NCAPH: variants seen among roughly 807,000 people sequenced by gnomAD.
NCAPH encodes the protein condensin complex subunit 2.
In NCAPH, 38 loss-of-function variants were observed where a neutral mutation model predicts 85.5. That is an observed-to-expected ratio of 0.44 (90% CI 0.34 to 0.58). NCAPH has a LOEUF of 0.58. NCAPH is among the 20% of genes least tolerant of loss of function. The probability of loss-of-function intolerance (pLI) is 0.01; values close to 1 mark genes in which losing one functional copy is unlikely to be tolerated. For synonymous variants in NCAPH, 301 were observed against 335.1 expected (o/e 0.90, Z 1.11); for missense variants, 789 against 916.6 (o/e 0.86, Z 1.80).
At chr2:96,354,029 G>C (rs1415441342) in intron 8 of NCAPH, among the ~76,000 whole-genome samples, 154 bp from the exon 9 acceptor site, 1 of 152,116 alleles carries the variant, frequency 6.6e-6, no homozygotes, top group South Asian at 2.1e-4. Flanking sequence ...TGAGAGTCTT[G>C]GCCCAGGCAG....
At chr2:96,373,177 T>C in intron 17 of NCAPH, 115 bp from the exon 18 acceptor site, 5 of 817,424 alleles carry the variant, frequency 6.1e-6, no homozygotes, top group East Asian at 2.6e-5. Flanking sequence ...GTTTTTCTTA[T>C]AATCATGGGA....
At position 96,371,491 on chromosome 2, in the gene NCAPH, T is replaced by C. The variant is rs548862369; in HGVS notation, c.2167-1801T>C. ...GCCAGGCCAACACTGCTAAGAAATATTAGTGACTCTGCGGCTTCACTGAGG... is the reference window on the plus strand; with the variant it reads ...GCCAGGCCAACACTGCTAAGAAATACTAGTGACTCTGCGGCTTCACTGAGG... On this transcript the variant is annotated intron_variant, in intron 17 of 17. Coordinates refer to ENST00000240423, the MANE Select transcript of NCAPH (RefSeq NM_015341.5). 2.6e-5 allele frequency among the ~76,000 whole-genome samples: 4 copies of C among 152,290 alleles called. No homozygotes were observed. In the South Asian group the frequency reaches 8.3e-4, roughly 32 times the overall value.
intron 5 of NCAPH, among the ~76,000 whole-genome samples, chr2:96,343,806 T>A (rs1427740604): frequency 1.3e-5 from 2 of 151,940 alleles, no homozygotes; most frequent in African/African-American, 4.8e-5. Context: ...GTTCAAGTGA[T>A]CCTCCTGCCT....
At chr2:96,342,182 A>G (rs767654533) in intron 3 of NCAPH, 42 bp downstream of exon 3, 8 of 1,447,802 alleles carry the variant, frequency 5.5e-6, no homozygotes, top group Non-Finnish European at 6.8e-6. Context: ...TAATCCCTTG[A>G]TCACAGGGGA....
intron 6 of NCAPH, among the ~76,000 whole-genome samples, chr2:96,349,792 G>A (rs1313819873): frequency 6.6e-6 from 1 of 152,340 alleles, no homozygotes; most frequent in East Asian, 1.9e-4. Flanking sequence ...AACATTTGCT[G>A]TCATAGAGGA....
At chr2:96,360,489 C>T (rs2064590612) in intron 11 of NCAPH, 99 bp from the exon 12 acceptor site, 6 of 1,372,452 alleles carry the variant, frequency 4.4e-6, no homozygotes, top group African/African-American at 1.5e-5. Flanking sequence ...TGATGGTAGA[C>T]TCATGCTGCC....
At chr2:96,360,863 G>A (rs2064597617) in intron 12 of NCAPH, among the ~76,000 whole-genome samples, 153 bp downstream of exon 12, 1 of 152,088 alleles carries the variant, frequency 6.6e-6, no homozygotes, top group South Asian at 2.1e-4. Context: ...ATAAGGCAAA[G>A]AAAGCTAAAA....
chr2:96,336,057 C>T (rs1029496257), intron 1 of NCAPH, among the ~76,000 whole-genome samples: 1 of 152,032 alleles, frequency 6.6e-6, no homozygotes, highest in African/African-American at 2.4e-5. Flanking sequence ...AATCAGAAAG[C>T]GGCTTCGGCC....
At position 96,353,361 on chromosome 2, in the gene NCAPH, C is replaced by A; in HGVS notation, c.966C>A (p.Phe322Leu). 6.2e-7 allele frequency: 1 copy of A among 1,614,220 alleles called. No homozygotes were observed. The highest frequency in any genetic ancestry group is 8.5e-7 in the Non-Finnish European group (1 of 1,180,036). ...DRQICPSLAG[F>L]QFTQWDSETH... The stretch of plus-strand genomic sequence containing the variant: ...AGATCTGCCCTTCCCTGGCCGGGTT[C>A]CAGTTTACACAGTGGGACAGTGAAA... Residue 322 changes from phenylalanine (F) to leucine (L), a missense_variant, in exon 8 of 18, where the codon TTC (phenylalanine) becomes TTA (leucine). Transcript: ENST00000240423.
In NCAPH at chr2:96,376,812, T is replaced by C. The variant is rs1244015696; in HGVS notation, c.*3461T>C. ...ATTTAAAAATGTTTTTTGGGGGAAT[T>C]GGGGATCATTTATGGGTACCAAAAG... On this transcript the variant is annotated 3_prime_UTR_variant, in exon 18 of 18. Coordinates refer to ENST00000240423, the MANE Select transcript of NCAPH (RefSeq NM_015341.5). Among the ~76,000 whole-genome samples the C allele has an allele frequency of 6.6e-6, 1 of 151,982 alleles. No homozygotes were observed. The highest frequency in any genetic ancestry group is 2.4e-5 in the African/African-American group (1 of 41,360).
rs959740195 is a variant in NCAPH, at chr2:96,351,817, C to T, written c.721-14C>T. On this transcript the variant is annotated splice_polypyrimidine_tract_variant and intron_variant, in intron 6 of 17. Transcript: ENST00000240423. ...ATGCCGTAAATCTTCAGTTTCTTCT[C>T]TCTCTGTGTTCAGATTGATCCCATG... is the stretch of plus-strand genomic sequence containing the variant. 1.3e-6 allele frequency: 2 copies of T among 1,568,678 alleles called. No homozygotes were observed. The highest frequency in any genetic ancestry group is 2.0e-5 in the Admixed American group (1 of 50,304).
At chr2:96,369,823 T>G (rs2064749226) in intron 17 of NCAPH, among the ~76,000 whole-genome samples, 1 of 152,192 alleles carries the variant, frequency 6.6e-6, no homozygotes, top group Admixed American at 6.5e-5. Flanking sequence ...GGCCAAAGCC[T>G]AGTAGTACCA....
chr2:96,374,340 C>T lies in NCAPH; in HGVS notation c.*989C>T, dbSNP rs2064809898. 6.6e-6 allele frequency among the ~76,000 whole-genome samples: 1 copy of T among 152,184 alleles called. No homozygotes were observed. Among genetic ancestry groups the T allele is most frequent in the South Asian group, 2.1e-4 (1 of 4,828 alleles). Reference sequence around the variant, plus strand: ...CAGTGCTCAGATTTGTCCATCTCCACAGAATGCAGCACACACACAAATGTA... The same window carrying T: ...CAGTGCTCAGATTTGTCCATCTCCATAGAATGCAGCACACACACAAATGTA... On this transcript the variant is annotated 3_prime_UTR_variant, in exon 18 of 18. Transcript: ENST00000240423.
chr2:96,338,241 GAAAAAAAAAA>G (rs34560390), intron 1 of NCAPH, among the ~76,000 whole-genome samples: 4 of 80,860 alleles, frequency 4.9e-5, no homozygotes, highest in African/African-American at 1.0e-4. Flanking sequence ...CTATTTTATT[GAAAAAAAAAA>G]AAAAAAAAAA....
intron 9 of NCAPH, among the ~76,000 whole-genome samples, chr2:96,357,153 G>A (rs755116776): frequency 5.7e-4 from 87 of 152,158 alleles, no homozygotes; most frequent in Non-Finnish European, 8.8e-4. Context: ...TGAAACATTC[G>A]GCTGCATGCT....
intron 1 of NCAPH, among the ~76,000 whole-genome samples, chr2:96,336,666 A>T (rs909332077): frequency 6.6e-6 from 1 of 152,194 alleles, no homozygotes; most frequent in African/African-American, 2.4e-5. Flanking sequence ...AGGTGAAGGG[A>T]TCTATAATCA....
chr2:96,357,724 T>A (rs2064542866), intron 9 of NCAPH, among the ~76,000 whole-genome samples: 1 of 152,234 alleles, frequency 6.6e-6, no homozygotes. Context: ...AATTACACAA[T>A]AAATGCACAA....
At chr2:96,349,817 T>G (rs1384829672) in intron 6 of NCAPH, among the ~76,000 whole-genome samples, 3 of 152,256 alleles carry the variant, frequency 2.0e-5, no homozygotes, top group African/African-American at 7.2e-5. Flanking sequence ...AACATGATTA[T>G]GCTTCAGTTC....
rs749992160 is a variant in NCAPH, at chr2:96,343,160, G to T, written c.457-6G>T. 2 of 1,613,888 alleles carry T rather than the reference G, an allele frequency of 1.2e-6. No individual in the cohort carries two copies. The highest frequency in any genetic ancestry group is 1.1e-5 in the South Asian group (1 of 90,970). ...TTTGTGAGTGCAGCTCTGATTGTTT[G>T]ACTAGGTGGCTGCGGGTACTCTGGA... On this transcript the variant is annotated splice_region_variant and splice_polypyrimidine_tract_variant and intron_variant, in intron 4 of 17. Transcript: ENST00000240423.
Sources: gnomAD v4.1 joint callset for allele counts (sites outside exome capture counted in the v4.1 genomes callset) on GRCh38, gnomAD v4.1.1 for gene constraint, MANE v1.5 for transcripts, NCBI Gene and HGNC (gene_info 2026-07-23, HGNC 2026-07-21) for gene names.